TBC1D16: variants seen among roughly 807,000 people sequenced by gnomAD.
TBC1D16 encodes TBC1 domain family member 16, also known as CTD-2529O21.1.
Under a neutral mutation model 74.7 loss-of-function variants are expected in TBC1D16, and 58 were observed. That is an observed-to-expected ratio of 0.78 (90% CI 0.63 to 0.97). The LOEUF is 0.97. Ranked by LOEUF, TBC1D16 falls within the 50% of genes least tolerant of loss-of-function variation. TBC1D16 has a pLI of 0.00. For synonymous variants in TBC1D16, 493 were observed against 474.7 expected (o/e 1.04, Z -0.50); for missense variants, 1,014 against 1,079.5 (o/e 0.94, Z 0.85).
intron 1 of TBC1D16, among the ~76,000 whole-genome samples, chr17:80,015,299 T>C (rs1027125258): frequency 1.3e-5 from 2 of 151,994 alleles, no homozygotes; most frequent in African/African-American, 4.8e-5. Flanking sequence ...CCGGGTGTGG[T>C]GGCACGAGCC....
rs2032301257 is a variant in TBC1D16, at chr17:79,944,168, G to A, written c.1908+740C>T. 2 of 1,532,430 alleles carry A rather than the reference G, an allele frequency of 1.3e-6. No homozygotes were observed. The highest frequency in any genetic ancestry group is 1.2e-5 in the South Asian group (1 of 83,992). The allele number at this position is 1,532,430 out of a possible 1,614,324, so 94.9% of individuals were successfully genotyped here. ...AATGTCTTCCAGCAGATGGGTGTTTGCCTCCATCTTCAGGGTTCTCTGACG... is the reference window on the plus strand; with the variant it reads ...AATGTCTTCCAGCAGATGGGTGTTTACCTCCATCTTCAGGGTTCTCTGACG... On this transcript the variant is annotated intron_variant, in intron 10 of 11. Transcript: ENST00000310924. The surrounding 1 kb of genome is among the most constrained non-coding windows in gnomAD (Gnocchi z 7.7).
In TBC1D16 at chr17:79,980,175, C is replaced by T. The variant is rs929730695; in HGVS notation, c.780-27357G>A. ...CAGGCTGGTGGCTTCCCAACTTTTC[C>T]GTGACGTTCCCCTAGGCAATTTAAA... On this transcript the variant is annotated intron_variant, in intron 3 of 11. Transcript: ENST00000310924. This position sits in a 1 kb window ranked among gnomAD's most constrained non-coding sequence, Gnocchi z 7.0. Among the ~76,000 whole-genome samples the T allele has an allele frequency of 6.6e-6, 1 of 152,174 alleles. No individual in the cohort carries two copies. The highest frequency in any genetic ancestry group is 1.5e-5 in the Non-Finnish European group (1 of 68,038).
At chr17:79,948,758 A>C in intron 8 of TBC1D16, 114 bp downstream of exon 8, 3 of 1,365,326 alleles carry the variant, frequency 2.2e-6, no homozygotes, top group South Asian at 1.3e-5. Flanking sequence ...TTGATGTATG[A>C]ACCTGGAAGA....
chr17:80,026,112 G>C (rs2036575357), intron 1 of TBC1D16: 2 of 150,162 alleles, frequency 1.3e-5, no homozygotes, highest in Non-Finnish European at 2.9e-5. Context: ...AAATAATGGA[G>C]GATTATTTAA....
rs908631894 is a variant in TBC1D16 at position 79,981,635 on chromosome 17, C to T, written c.779+28525G>A. On this transcript the variant is annotated intron_variant, in intron 3 of 11. Transcript: ENST00000310924. The surrounding 1 kb of genome is among the most constrained non-coding windows in gnomAD (Gnocchi z 6.9). ...ACCAGCAACACTTCGTTTTCCAAAGCGGGGAGGCCAAACCTCCAAAGCTGG... is the reference window on the plus strand; with the variant it reads ...ACCAGCAACACTTCGTTTTCCAAAGTGGGGAGGCCAAACCTCCAAAGCTGG... Among the ~76,000 whole-genome samples the T allele has an allele frequency of 6.6e-6, 1 of 152,224 alleles. No individual in the cohort carries two copies. Among genetic ancestry groups the T allele is most frequent in the Admixed American group, 6.5e-5 (1 of 15,278 alleles).
intron 1 of TBC1D16, among the ~76,000 whole-genome samples, chr17:80,016,276 AGGTCATGTTTAAGG>A (rs1323032000): frequency 6.6e-6 from 1 of 151,332 alleles, no homozygotes; most frequent in East Asian, 1.9e-4. Flanking sequence ...GGGAATAGGG[AGGTCATGTTTAAGG>A]GGGACAGAGC....
chr17:80,034,028 A>T (rs2036859915), intron 1 of TBC1D16, among the ~76,000 whole-genome samples: 1 of 152,178 alleles, frequency 6.6e-6, no homozygotes, highest in Non-Finnish European at 1.5e-5. Context: ...TTGGGAAGTT[A>T]CTTCTCTAAG....
intron 7 of TBC1D16, among the ~76,000 whole-genome samples, chr17:79,949,283 C>A (rs963123489): frequency 3.3e-5 from 5 of 152,328 alleles, no homozygotes; most frequent in South Asian, 2.1e-4. Flanking sequence ...CCTGGCCCAG[C>A]GTTCTGGAGG....
chr17:79,974,810 G>A (rs2034260187), intron 3 of TBC1D16, among the ~76,000 whole-genome samples: 1 of 152,214 alleles, frequency 6.6e-6, no homozygotes. Context: ...GGGCTGGTAG[G>A]AGGCTGGGTT....
intron 1 of TBC1D16, among the ~76,000 whole-genome samples, chr17:80,018,038 T>G (rs2036152143): frequency 6.6e-6 from 1 of 152,224 alleles, no homozygotes; most frequent in Non-Finnish European, 1.5e-5. Flanking sequence ...CCAGAATAGT[T>G]TAAGAATTCA....
At position 80,007,365 on chromosome 17, in the gene TBC1D16, G is replaced by A. The variant is rs1229160873; in HGVS notation, c.779+2795C>T. On this transcript the variant is annotated intron_variant, in intron 3 of 11. Coordinates refer to ENST00000310924, the MANE Select transcript of TBC1D16 (RefSeq NM_019020.4). This position sits in a 1 kb window ranked among gnomAD's most constrained non-coding sequence, Gnocchi z 4.5. ...CTGCCCTACAAGGGGGTTCTTGGCC[G>A]CACTTCACACCCGTGAGGCATCTGC... Among the ~76,000 whole-genome samples the A allele has an allele frequency of 2.0e-5, 3 of 152,214 alleles. No individual in the cohort carries two copies. Among genetic ancestry groups the A allele is most frequent in the African/African-American group, 4.8e-5 (2 of 41,450 alleles).
intron 1 of TBC1D16, among the ~76,000 whole-genome samples, chr17:80,026,626 T>C (rs1187596311): frequency 6.7e-6 from 1 of 149,780 alleles, no homozygotes; most frequent in Non-Finnish European, 1.5e-5. Flanking sequence ...GTTTGGTTCC[T>C]GGACTGAGAA....
intron 1 of TBC1D16, among the ~76,000 whole-genome samples, chr17:80,032,652 C>A (rs1231123015): frequency 6.6e-6 from 1 of 152,184 alleles, no homozygotes; most frequent in African/African-American, 2.4e-5. Flanking sequence ...CCTCCAACAT[C>A]ATTGCCCCAT....
Position 79,949,066 on chromosome 17 carries a change from C to T in TBC1D16, c.1407-60G>A. ...GGTGGCACCCAGAGGCATCGTGTGG[C>T]GCACACACTGCAGGAAGCCACCCTT... On this transcript the variant is annotated intron_variant, in intron 7 of 11. Transcript: ENST00000310924. The T allele has an allele frequency of 5.6e-6, 9 of 1,604,618 alleles. No individual in the cohort carries two copies. The South Asian group carries it at 6.6e-5, about 12-fold the overall frequency.
chr17:79,955,096 T>C (rs533955860), intron 3 of TBC1D16, among the ~76,000 whole-genome samples: 10 of 152,330 alleles, frequency 6.6e-5, no homozygotes, highest in African/African-American at 2.4e-4. Flanking sequence ...AGGCAGGAGT[T>C]GGCTTAAACC....
chr17:79,999,985 G>A (rs1039745975), intron 3 of TBC1D16, among the ~76,000 whole-genome samples: 7 of 152,142 alleles, frequency 4.6e-5, no homozygotes, highest in Admixed American at 3.9e-4. Flanking sequence ...GACGAGGCTG[G>A]GCCATGAGGA....
At chr17:80,027,292 G>A (rs748101848) in intron 1 of TBC1D16, among the ~76,000 whole-genome samples, 61 of 152,174 alleles carry the variant, frequency 4.0e-4, no homozygotes, top group East Asian at 1.4e-3. Flanking sequence ...GTGAAACCCC[G>A]TCTCTACAAA....
rs570211401 is a variant in TBC1D16, at chr17:80,029,301, G to A, written c.-63+6494C>T. Among the ~76,000 whole-genome samples the A allele has an allele frequency of 6.9e-4, 105 of 152,242 alleles. 1 individual carries two copies. Among genetic ancestry groups the A allele is most frequent in the Non-Finnish European group, 1.3e-3 (89 of 68,004 alleles). ...TCAGAAGCCCTAAGGAGAGAGGGGC[G>A]GGCAGGGGAGGAGAGGGGCAGCAGA... On this transcript the variant is annotated intron_variant, in intron 1 of 11. Transcript: ENST00000310924.
At position 79,954,593 on chromosome 17, in the gene TBC1D16, C is replaced by T. The variant is rs866203177; in HGVS notation, c.780-1775G>A. Among the ~76,000 whole-genome samples, 3 of 152,160 alleles carry T rather than the reference C, an allele frequency of 2.0e-5. No homozygotes were observed. The highest frequency in any genetic ancestry group is 4.8e-5 in the African/African-American group (2 of 41,444). On this transcript the variant is annotated intron_variant, in intron 3 of 11. Coordinates refer to ENST00000310924, the MANE Select transcript of TBC1D16 (RefSeq NM_019020.4). This position sits in a 1 kb window ranked among gnomAD's most constrained non-coding sequence, Gnocchi z 5.5. ...AGACCGAGGGCTCCTGACATCTTCC[C>T]AAGTGGACCCTGCGGGAGCTGCGCT...
Sources: gnomAD v4.1 joint callset for allele counts (sites outside exome capture counted in the v4.1 genomes callset) on GRCh38, gnomAD v4.1.1 for gene constraint, Gnocchi (gnomAD v3.1) non-coding constraint, MANE v1.5 for transcripts, NCBI Gene and HGNC (gene_info 2026-07-23, HGNC 2026-07-21) for gene names.